PID1: variants seen among roughly 807,000 people sequenced by gnomAD.
PID1 encodes the protein phosphotyrosine interaction domain containing 1.
A neutral mutation model predicts 19.1 loss-of-function variants in PID1; 10 were observed. The ratio of observed to expected loss-of-function variants is 0.52; its 90% CI spans 0.32 to 0.89. The LOEUF (loss-of-function observed/expected upper bound fraction) is 0.89, where lower values mean the gene tolerates loss of function less well. PID1 is among the 40% of genes least tolerant of loss of function. The probability of loss-of-function intolerance (pLI) is 0.03; values close to 1 mark genes in which losing one functional copy is unlikely to be tolerated. For missense variants in PID1, 248 were observed against 285.3 expected (o/e 0.87, Z 0.94); for synonymous variants, 130 against 116.0 (o/e 1.12, Z -0.78).
chr2:229,093,144 T>A (rs1390064209), intron 2 of PID1, among the ~76,000 whole-genome samples: 2 of 150,602 alleles, frequency 1.3e-5, no homozygotes, highest in African/African-American at 4.9e-5. Flanking sequence ...TTTTCTTTTT[T>A]TTTTTTGAGA....
intron 2 of PID1, among the ~76,000 whole-genome samples, chr2:229,092,470 T>C (rs750505275): frequency 3.3e-5 from 5 of 152,192 alleles, no homozygotes; most frequent in Non-Finnish European, 5.9e-5. Context: ...AGAGCCGCTA[T>C]GGTGCAGCTG....
chr2:229,135,233 C>T (rs113018308), intron 2 of PID1, among the ~76,000 whole-genome samples: 8 of 152,144 alleles, frequency 5.3e-5, no homozygotes, highest in Non-Finnish European at 8.8e-5. Context: ...TTTGTTCCCC[C>T]GCAGAGATGA....
chr2:229,247,697 G>T (rs1260543362), intron 1 of PID1, among the ~76,000 whole-genome samples: 5 of 152,144 alleles, frequency 3.3e-5, no homozygotes, highest in Non-Finnish European at 5.9e-5. Flanking sequence ...CTGCACTGGA[G>T]AACAGCCCCT....
chr2:229,244,063 T>C (rs2106278526), intron 1 of PID1, among the ~76,000 whole-genome samples: 1 of 152,308 alleles, frequency 6.6e-6, no homozygotes, highest in South Asian at 2.1e-4. Flanking sequence ...AAATTACTCA[T>C]TTCTAATATA....
chr2:229,032,907 C>T (rs564791451), intron 2 of PID1, among the ~76,000 whole-genome samples: 57 of 152,234 alleles, frequency 3.7e-4, no homozygotes, highest in African/African-American at 1.2e-3. Context: ...CCAAGGGACC[C>T]GCCAGAGTGT....
At chr2:229,029,953 G>A (rs1693512163) in intron 2 of PID1, among the ~76,000 whole-genome samples, 3 of 152,022 alleles carry the variant, frequency 2.0e-5, no homozygotes, top group African/African-American at 4.8e-5. Flanking sequence ...TTGTACACAT[G>A]TTTATAGCAG....
intron 2 of PID1, among the ~76,000 whole-genome samples, chr2:229,048,791 C>T (rs145909113): frequency 1.4e-3 from 207 of 152,204 alleles, no homozygotes; most frequent in African/African-American, 4.7e-3. Flanking sequence ...GTTTCCCAGA[C>T]TCGAGTTTAT....
At chr2:229,192,774 T>G (rs1335403333) in intron 1 of PID1, among the ~76,000 whole-genome samples, 3 of 152,186 alleles carry the variant, frequency 2.0e-5, no homozygotes, top group Non-Finnish European at 4.4e-5. Context: ...TGGCGTTCAA[T>G]AAATGTTTAG....
At chr2:229,031,284 G>C (rs993622188) in intron 2 of PID1, among the ~76,000 whole-genome samples, 1 of 151,444 alleles carries the variant, frequency 6.6e-6, no homozygotes, top group African/African-American at 2.4e-5. Flanking sequence ...GGGGCTGGGC[G>C]TGGTGGCTCA....
At chr2:229,184,444 AGCCCG>A (rs1177379261) in intron 1 of PID1, among the ~76,000 whole-genome samples, 1 of 12,012 alleles carries the variant, frequency 8.3e-5, no homozygotes, top group Non-Finnish European at 1.4e-4. Context: ...ATATATATAT[AGCCCG>A]TATATATATA....
intron 2 of PID1, among the ~76,000 whole-genome samples, chr2:229,101,294 C>T (rs1287732919): frequency 2.0e-5 from 3 of 152,066 alleles, no homozygotes; most frequent in African/African-American, 7.2e-5. Flanking sequence ...TAAACGTGTG[C>T]CATGGTGGTT....
intron 2 of PID1, among the ~76,000 whole-genome samples, chr2:229,095,270 G>A (rs1278289121): frequency 6.6e-6 from 1 of 152,042 alleles, no homozygotes; most frequent in African/African-American, 2.4e-5. Context: ...CAAAATGAGG[G>A]AAAAATGCTT....
chr2:229,142,462 T>C (rs1009951038), intron 2 of PID1, among the ~76,000 whole-genome samples: 1 of 152,014 alleles, frequency 6.6e-6, no homozygotes, highest in African/African-American at 2.4e-5. Context: ...AAAAAATCAA[T>C]GAGAGAGAAG....
intron 2 of PID1, among the ~76,000 whole-genome samples, chr2:229,150,242 A>AAGG (rs1165604865): frequency 3.3e-5 from 5 of 151,766 alleles, no homozygotes; most frequent in Non-Finnish European, 7.4e-5. Context: ...AAAAAAAAAA[A>AAGG]AAGGAGAGAG....
chr2:229,209,168 T>G (rs1196514408), intron 1 of PID1, among the ~76,000 whole-genome samples: 1 of 152,210 alleles, frequency 6.6e-6, no homozygotes, highest in East Asian at 1.9e-4. Context: ...GCTACAGTTT[T>G]AAAATTCTAT....
At chr2:229,050,538 T>C (rs759325056) in intron 2 of PID1, among the ~76,000 whole-genome samples, 5 of 152,224 alleles carry the variant, frequency 3.3e-5, no homozygotes, top group Non-Finnish European at 7.3e-5. Context: ...ACATGATTAG[T>C]ATACTCTCAG....
At chr2:229,045,374 A>G (rs950259677) in intron 2 of PID1, among the ~76,000 whole-genome samples, 7 of 152,368 alleles carry the variant, frequency 4.6e-5, no homozygotes, top group African/African-American at 1.7e-4. Context: ...CTGATATCCT[A>G]ATAAACATAA....
At chr2:229,053,557 C>T (rs1427321946) in intron 2 of PID1, among the ~76,000 whole-genome samples, 8 of 152,186 alleles carry the variant, frequency 5.3e-5, no homozygotes, top group African/African-American at 1.9e-4. Flanking sequence ...CTGCATGGGG[C>T]TTCAAGGAAG....
intron 2 of PID1, among the ~76,000 whole-genome samples, chr2:229,108,957 G>A (rs1270863282): frequency 1.3e-5 from 2 of 152,106 alleles, no homozygotes; most frequent in Non-Finnish European, 1.5e-5. Context: ...CTTCTAAAAG[G>A]CAAAATGCAT....
Sources: allele counts gnomAD v4.1 joint callset (sites outside exome capture counted in the v4.1 genomes callset), GRCh38; gene constraint gnomAD v4.1.1; transcripts MANE v1.5; gene names NCBI Gene and HGNC (gene_info 2026-07-23, HGNC 2026-07-21).